Variants in ITM2C observed in about 807,000 individuals in gnomAD.
ITM2C encodes the protein BRICHOS domain containing 2C.
ITM2C carries 20 observed loss-of-function variants against 30.0 expected under a neutral mutation model. The ratio of observed to expected loss-of-function variants is 0.67; its 90% CI spans 0.47 to 0.97. The LOEUF (loss-of-function observed/expected upper bound fraction) is 0.97, where lower values mean the gene tolerates loss of function less well. Ranked by LOEUF, ITM2C falls within the 50% of genes least tolerant of loss-of-function variation. The pLI is 0.00. For synonymous variants in ITM2C, 167 were observed against 156.4 expected (o/e 1.07, Z -0.51); for missense variants, 366 against 371.9 (o/e 0.98, Z 0.13).
chr2:230,872,177 G>A (rs1697182533), intron 1 of ITM2C, among the ~76,000 whole-genome samples: 1 of 152,216 alleles, frequency 6.6e-6, no homozygotes, highest in African/African-American at 2.4e-5. Context: ...AGGCTCTGGG[G>A]CTGGATCCCC....
At chr2:230,873,742 C>G (rs918373789) in intron 2 of ITM2C, among the ~76,000 whole-genome samples, 185 bp downstream of exon 2, 2 of 152,192 alleles carry the variant, frequency 1.3e-5, no homozygotes, top group Non-Finnish European at 2.9e-5. Context: ...GGATGCAGGC[C>G]AGTCCCACAT....
Position 230,877,016 on chromosome 2 carries a change from C to A in ITM2C, c.561+49C>A, listed in dbSNP as rs1302465766. 5 of 1,272,396 alleles carry A rather than the reference C, an allele frequency of 3.9e-6. No homozygotes were observed. Among genetic ancestry groups the A allele is most frequent in the Non-Finnish European group, 5.7e-6 (5 of 872,022 alleles). The allele number at this position is 1,272,396 out of a possible 1,614,324, so 78.8% of individuals were successfully genotyped here. ...TCTGCAGCATCCTGTCCCTCCCTTG[C>A]CCCCTGTCTCATGGAGGCTAGGTCT... On this transcript the variant is annotated intron_variant, in intron 4 of 5. Transcript: ENST00000326427. This position sits in a 1 kb window ranked among gnomAD's most constrained non-coding sequence, Gnocchi z 4.8.
At chr2:230,864,384 G>A (rs1696970647), upstream of ITM2C, among the ~76,000 whole-genome samples, 1 of 152,194 alleles carries the variant, frequency 6.6e-6, no homozygotes. The surrounding 1 kb of genome is among the most constrained non-coding windows in gnomAD (Gnocchi z 4.3). Context: ...CAAGATGGAG[G>A]ATGAAGGAGG....
At position 230,875,769 on chromosome 2, in the gene ITM2C, C is replaced by T. The variant is rs544434687; in HGVS notation, c.411C>T (p.Gly137=). Residue 137 remains glycine (G), a synonymous_variant, in exon 3 of 6, where the codon GGC becomes GGT. Coordinates refer to ENST00000326427, the MANE Select transcript of ITM2C (RefSeq NM_030926.6). ...ERINVPVPQF[G]GGDPADIIHD... is the part of the protein sequence containing the mutation. Reference sequence around the variant, plus strand: ...TCAACGTGCCTGTGCCCCAGTTTGGCGGCGGTGACCCTGCAGACATCATCC... The same window carrying T: ...TCAACGTGCCTGTGCCCCAGTTTGGTGGCGGTGACCCTGCAGACATCATCC... The T allele has an allele frequency of 6.9e-6, 11 of 1,604,326 alleles. No individual in the cohort carries two copies. The highest frequency in any genetic ancestry group is 4.2e-5 in the African/African-American group (3 of 71,872).
chr2:230,869,367 G>A (rs1052564089), intron 1 of ITM2C, among the ~76,000 whole-genome samples: 1 of 152,198 alleles, frequency 6.6e-6, no homozygotes, highest in Non-Finnish European at 1.5e-5. Flanking sequence ...CTGGACCACT[G>A]GGCTCTGTGT....
In ITM2C at chr2:230,877,505, A is replaced by T. The variant is rs766463695; in HGVS notation, c.667A>T (p.Asn223Tyr). The change falls in exon 5 of 6, where the codon AAC becomes TAC. Residue 223 changes from asparagine (N) to tyrosine (Y), a missense_variant. By Grantham distance (143) the Asn-to-Tyr change is moderately radical (BLOSUM62 -2). Coordinates refer to ENST00000326427, the MANE Select transcript of ITM2C (RefSeq NM_030926.6). This position sits in a 1 kb window ranked among gnomAD's most constrained non-coding sequence, Gnocchi z 4.8. ...GGGGTCCTTCATCTACCACCTGTGC[A>T]ACGGGAAAGACACCTACCGGCTCCG... is the stretch of plus-strand genomic sequence containing the variant. ...ALGSFIYHLC[N>Y]GKDTYRLRRR... is the part of the protein sequence containing the mutation. 7 of 1,614,026 alleles carry T rather than the reference A, an allele frequency of 4.3e-6. 1 individual carries two copies. Among genetic ancestry groups the T allele is most frequent in the Non-Finnish European group, 5.9e-6 (7 of 1,180,012 alleles).
At chr2:230,868,076 G>C (rs1375895650) in intron 1 of ITM2C, among the ~76,000 whole-genome samples, 1 of 152,102 alleles carries the variant, frequency 6.6e-6, no homozygotes, top group Admixed American at 6.6e-5. Flanking sequence ...CCCAGAGTGA[G>C]GGCGGGGTGG....
intron 1 of ITM2C, among the ~76,000 whole-genome samples, chr2:230,870,566 G>A (rs990745111): frequency 9.2e-5 from 14 of 152,204 alleles, no homozygotes; most frequent in Non-Finnish European, 5.9e-5. Flanking sequence ...ACAGTGAGGG[G>A]TCTTGGCAGG....
At position 230,877,068 on chromosome 2, in the gene ITM2C, G is replaced by C; in HGVS notation, c.561+101G>C. On this transcript the variant is annotated intron_variant, in intron 4 of 5. Transcript: ENST00000326427. The surrounding 1 kb of genome is among the most constrained non-coding windows in gnomAD (Gnocchi z 4.8). The stretch of plus-strand genomic sequence containing the variant: ...AGGTACAGGAAGTTCCTGTGTCAGG[G>C]GTTGGGGGAGCAAGAGACATTGCTG... 1 of 862,588 alleles carries C rather than the reference G, an allele frequency of 1.2e-6. No individual in the cohort carries two copies. Among genetic ancestry groups the C allele is most frequent in the Non-Finnish European group, 1.9e-6 (1 of 526,794 alleles). 53.4% of individuals were successfully genotyped at this position (862,588 alleles called of 1,614,324 possible).
intron 2 of ITM2C, 109 bp downstream of exon 2, chr2:230,873,666 C>G: frequency 8.8e-7 from 1 of 1,141,442 alleles, no homozygotes. Flanking sequence ...GACATGCCCT[C>G]AGGTGGGAGC....
chr2:230,869,565 C>G (rs1308049192), intron 1 of ITM2C, among the ~76,000 whole-genome samples: 2 of 152,232 alleles, frequency 1.3e-5, no homozygotes, highest in African/African-American at 4.8e-5. Flanking sequence ...CCCCATCTTC[C>G]CTGTTCTCAG....
In ITM2C at chr2:230,875,736, C is replaced by T. The variant is rs774652413; in HGVS notation, c.378C>T (p.Tyr126=). The change falls in exon 3 of 6, where the codon TAC becomes TAT. Residue 126 remains tyrosine, a synonymous_variant. Transcript: ENST00000326427. ...TGAAAATCTACCTCGACGAGAACTA[C>T]GAGCGCATCAACGTGCCTGTGCCCC... is the stretch of plus-strand genomic sequence containing the variant. ...EDVKIYLDEN[Y]ERINVPVPQF... The T allele has an allele frequency of 1.4e-5, 22 of 1,613,054 alleles. No individual in the cohort carries two copies. Among genetic ancestry groups the T allele is most frequent in the Non-Finnish European group, 1.7e-5 (20 of 1,179,904 alleles).
chr2:230,877,564 T>A lies in ITM2C; in HGVS notation c.712+14T>A, dbSNP rs1022874550. ...CAACGCGGAGGCGTGAGTGGCTGGC[T>A]TCACCCACAGTAGCCCCTGTCCCGT... On this transcript the variant is annotated intron_variant, in intron 5 of 5. Coordinates refer to ENST00000326427, the MANE Select transcript of ITM2C (RefSeq NM_030926.6). This position sits in a 1 kb window ranked among gnomAD's most constrained non-coding sequence, Gnocchi z 4.8. The A allele has an allele frequency of 1.2e-6, 2 of 1,612,626 alleles. No individual in the cohort carries two copies. Among genetic ancestry groups the A allele is most frequent in the African/African-American group, 2.7e-5 (2 of 74,896 alleles).
Position 230,865,011 on chromosome 2 carries a change from C to G in ITM2C, c.-15C>G. 6.8e-7 allele frequency: 1 copy of G among 1,464,530 alleles called. No homozygotes were observed. The highest frequency in any genetic ancestry group is 1.4e-5 in the South Asian group (1 of 73,976). The allele number at this position is 1,464,530 out of a possible 1,614,324, so 90.7% of individuals were successfully genotyped here. A position where few individuals can be genotyped will look rare whatever the true frequency, so the allele number is the denominator to read the frequency against. ...CGGCAGAGGCTGCGGGGCGGACGCG[C>G]GGGCCGGCGCAGCCATGGTGAAGAT... On this transcript the variant is annotated 5_prime_UTR_variant, in exon 1 of 6. Coordinates refer to ENST00000326427, the MANE Select transcript of ITM2C (RefSeq NM_030926.6). This position sits in a 1 kb window ranked among gnomAD's most constrained non-coding sequence, Gnocchi z 6.8.
chr2:230,873,249 C>T (rs914473566), intron 1 of ITM2C, 168 bp from the exon 2 acceptor site: 4 of 538,036 alleles, frequency 7.4e-6, no homozygotes, highest in Admixed American at 4.0e-5. Flanking sequence ...AGGACGAGTC[C>T]GGGTGACCCT....
upstream of ITM2C, chr2:230,864,860 G>A (rs150147682): frequency 2.3e-3 from 2,015 of 877,024 alleles, 32 homozygotes; most frequent in African/African-American, 0.031. This position sits in a 1 kb window ranked among gnomAD's most constrained non-coding sequence, Gnocchi z 4.3. Context: ...GGCGGGCGCC[G>A]GGGCCCTCCC....
rs750033164 is a variant in ITM2C at position 230,878,106 on chromosome 2, C to T, written c.*7C>T. Reference sequence around the variant, plus strand: ...CATCTGCGGGGTGGTGTGAGGCCCTCCTCCCCCAGAACCCCCTGCCGTGTT... The same window carrying T: ...CATCTGCGGGGTGGTGTGAGGCCCTTCTCCCCCAGAACCCCCTGCCGTGTT... On this transcript the variant is annotated 3_prime_UTR_variant, in exon 6 of 6. Coordinates refer to ENST00000326427, the MANE Select transcript of ITM2C (RefSeq NM_030926.6). This position sits in a 1 kb window ranked among gnomAD's most constrained non-coding sequence, Gnocchi z 4.5. 1.4e-5 allele frequency: 22 copies of T among 1,567,666 alleles called. 1 individual carries two copies. The highest frequency in any genetic ancestry group is 1.8e-5 in the Non-Finnish European group (21 of 1,153,558).
upstream of ITM2C, chr2:230,864,709 T>TGAGA: frequency 6.2e-6 from 1 of 160,614 alleles, no homozygotes; most frequent in Admixed American, 6.5e-5. The surrounding 1 kb of genome is among the most constrained non-coding windows in gnomAD (Gnocchi z 4.3). Flanking sequence ...AGTGAGCGAG[T>TGAGA]GAGTGAGTGA....
intron 1 of ITM2C, among the ~76,000 whole-genome samples, chr2:230,866,026 A>G (rs1697020781): frequency 2.0e-5 from 3 of 147,358 alleles, no homozygotes; most frequent in African/African-American, 7.9e-5. Context: ...GGGGGGAGAG[A>G]AGGCATTTCC....
Sources: allele counts gnomAD v4.1 joint callset (sites outside exome capture counted in the v4.1 genomes callset), GRCh38; gene constraint gnomAD v4.1.1; non-coding constraint Gnocchi (gnomAD v3.1); transcripts MANE v1.5; gene names NCBI Gene and HGNC (gene_info 2026-07-23, HGNC 2026-07-21).